Variants in SORCS3 observed in about 807,000 individuals in gnomAD.
The protein encoded by SORCS3 is VPS10 domain-containing receptor SorCS3.
A neutral mutation model predicts 146.3 loss-of-function variants in SORCS3; 57 were observed. That is an observed-to-expected ratio of 0.39 (90% CI 0.31 to 0.49). SORCS3 has a LOEUF of 0.49. Ranked by LOEUF, SORCS3 falls within the 20% of genes least tolerant of loss-of-function variation. The pLI is 0.92. For synonymous variants in SORCS3, 653 were observed against 618.5 expected (o/e 1.06, Z -0.83); for missense variants, 1,341 against 1,575.5 (o/e 0.85, Z 2.52).
chr10:104,775,282 G>A (rs533500681), intron 1 of SORCS3, among the ~76,000 whole-genome samples: 7 of 152,284 alleles, frequency 4.6e-5, no homozygotes, highest in Non-Finnish European at 4.4e-5. Context: ...TCTTCATTGA[G>A]GAATAAATGA....
intron 1 of SORCS3, among the ~76,000 whole-genome samples, chr10:104,728,466 G>A (rs1405512217): frequency 6.6e-6 from 1 of 152,184 alleles, no homozygotes; most frequent in African/African-American, 2.4e-5. Flanking sequence ...GGGAGTTTGT[G>A]TGTGTCAGGG....
chr10:104,898,844 C>G (rs192135956), intron 2 of SORCS3, among the ~76,000 whole-genome samples: 1 of 152,144 alleles, frequency 6.6e-6, no homozygotes, highest in African/African-American at 2.4e-5. Context: ...CCCCCATCAC[C>G]CTGCTGGCTC....
intron 4 of SORCS3, among the ~76,000 whole-genome samples, chr10:105,002,725 G>A (rs1425274803): frequency 6.6e-6 from 1 of 152,236 alleles, no homozygotes; most frequent in Non-Finnish European, 1.5e-5. Flanking sequence ...CAGTGTCAGT[G>A]AGAGCGAGTG....
rs776687979 is a variant in SORCS3, at chr10:105,200,124, C to A, written c.2127+8C>A. The A allele has an allele frequency of 1.2e-6, 2 of 1,603,918 alleles. No individual in the cohort carries two copies. The highest frequency in any genetic ancestry group is 1.7e-6 in the Non-Finnish European group (2 of 1,171,454). ...TGGCACCTGCTCAATCAGGTACACA[C>A]CCCAGGGAGTTGGAGTGCTGGCTTT... On this transcript the variant is annotated splice_region_variant and intron_variant, in intron 15 of 26. Coordinates refer to ENST00000369701, the MANE Select transcript of SORCS3 (RefSeq NM_014978.3).
At chr10:104,950,022 A>C (rs1222366056) in intron 3 of SORCS3, among the ~76,000 whole-genome samples, 1 of 152,226 alleles carries the variant, frequency 6.6e-6, no homozygotes, top group African/African-American at 2.4e-5. Context: ...TGTCAGGTGA[A>C]TCATGGGCAG....
intron 1 of SORCS3, among the ~76,000 whole-genome samples, chr10:104,711,932 C>G (rs2016421980): frequency 6.6e-6 from 1 of 152,172 alleles, no homozygotes; most frequent in East Asian, 1.9e-4. Context: ...TTAATCACCA[C>G]TGCCTGCCCC....
At chr10:105,062,227 T>C (rs1199191944) in intron 5 of SORCS3, among the ~76,000 whole-genome samples, 4 of 152,224 alleles carry the variant, frequency 2.6e-5, no homozygotes, top group South Asian at 2.1e-4. Flanking sequence ...ACTGCACTTA[T>C]GTTTTTAAGA....
chr10:104,956,193 AC>A (rs2019488196), intron 3 of SORCS3, among the ~76,000 whole-genome samples: 1 of 152,142 alleles, frequency 6.6e-6, no homozygotes, highest in Non-Finnish European at 1.5e-5. Context: ...TTCTATTGGA[AC>A]CAGTGAGTGA....
At chr10:104,868,669 G>T (rs916696655) in intron 2 of SORCS3, among the ~76,000 whole-genome samples, 1 of 152,230 alleles carries the variant, frequency 6.6e-6, no homozygotes, top group Non-Finnish European at 1.5e-5. Context: ...GACTATAGGA[G>T]ATAAGGGCTT....
chr10:104,876,476 A>G (rs1327482237), intron 2 of SORCS3, among the ~76,000 whole-genome samples: 2 of 152,194 alleles, frequency 1.3e-5, no homozygotes, highest in Admixed American at 1.3e-4. Flanking sequence ...CACAGGCACA[A>G]TATCAAAGAC....
intron 1 of SORCS3, among the ~76,000 whole-genome samples, chr10:104,750,624 A>G (rs534354390): frequency 6.6e-6 from 1 of 152,330 alleles, no homozygotes; most frequent in South Asian, 2.1e-4. Context: ...GACAGTGAAT[A>G]CTAAGACAGA....
intron 1 of SORCS3, among the ~76,000 whole-genome samples, chr10:104,728,936 A>G (rs947871080): frequency 4.6e-5 from 7 of 152,166 alleles, no homozygotes; most frequent in Non-Finnish European, 1.0e-4. Context: ...TAATCTCAAC[A>G]ATTACATCCC....
intron 1 of SORCS3, among the ~76,000 whole-genome samples, chr10:104,655,877 C>CA (rs2015623735): frequency 6.6e-6 from 1 of 152,192 alleles, no homozygotes; most frequent in Non-Finnish European, 1.5e-5. Context: ...GAAGCAGAAG[C>CA]GAATGTGTTT....
chr10:104,779,769 A>T (rs1244640953), intron 1 of SORCS3, among the ~76,000 whole-genome samples: 2 of 152,080 alleles, frequency 1.3e-5, no homozygotes, highest in Non-Finnish European at 2.9e-5. Flanking sequence ...CCTCCCGGTG[A>T]CTATGAGGAT....
chr10:104,810,873 C>G (rs1202791880), intron 1 of SORCS3, among the ~76,000 whole-genome samples: 1 of 152,080 alleles, frequency 6.6e-6, no homozygotes, highest in Non-Finnish European at 1.5e-5. Context: ...ATTCAGTAAA[C>G]ATTTATAGAG....
chr10:104,832,261 G>A (rs1363686808), intron 1 of SORCS3, among the ~76,000 whole-genome samples: 3 of 152,108 alleles, frequency 2.0e-5, no homozygotes, highest in African/African-American at 7.2e-5. Context: ...ATAGGTTTCA[G>A]ACATCATTCT....
chr10:105,178,003 C>A, intron 13 of SORCS3, 63 bp from the exon 14 acceptor site: 1 of 1,242,676 alleles, frequency 8.0e-7, no homozygotes, highest in Non-Finnish European at 1.2e-6. Context: ...ACCTGAAAAA[C>A]GGTTACAGAA....
intron 1 of SORCS3, among the ~76,000 whole-genome samples, chr10:104,697,838 C>T (rs2016234550): frequency 6.6e-6 from 1 of 152,098 alleles, no homozygotes; most frequent in Admixed American, 6.6e-5. Flanking sequence ...TGCTCTATAA[C>T]ATAGTAGTTG....
At chr10:105,124,348 G>T (rs1011550977) in intron 7 of SORCS3, among the ~76,000 whole-genome samples, 1 of 152,210 alleles carries the variant, frequency 6.6e-6, no homozygotes, top group Admixed American at 6.5e-5. Flanking sequence ...ACAGACAGGG[G>T]GCTGCTGTGA....
Sources: allele counts gnomAD v4.1 joint callset (sites outside exome capture counted in the v4.1 genomes callset), GRCh38; gene constraint gnomAD v4.1.1; transcripts MANE v1.5; gene names NCBI Gene and HGNC (gene_info 2026-07-23, HGNC 2026-07-21).